Variants in GOLGB1 observed in about 807,000 individuals in gnomAD.
The protein encoded by GOLGB1 is golgin B1.
In GOLGB1, 174 loss-of-function variants were observed where a neutral mutation model predicts 336.9. The ratio of observed to expected loss-of-function variants is 0.52; its 90% CI spans 0.46 to 0.59. The LOEUF (loss-of-function observed/expected upper bound fraction) is 0.59. Among genes scored for constraint, GOLGB1 ranks in the 20% least tolerant of loss-of-function variants. GOLGB1 has a pLI of 0.00. For missense variants in GOLGB1, 3,331 were observed against 3,645.3 expected, an observed-to-expected ratio of 0.91 and a Z score of 2.22; for synonymous variants, 1,208 against 1,289.2, an observed-to-expected ratio of 0.94 and a Z score of 1.35.
intron 6 of GOLGB1, among the ~76,000 whole-genome samples, chr3:121,721,144 C>A (rs958316618): frequency 3.0e-4 from 45 of 151,464 alleles, no homozygotes; most frequent in Admixed American, 2.2e-3. Flanking sequence ...ACAATAAAAG[C>A]TAATAGGTAA....
At chr3:121,729,431 A>G in intron 3 of GOLGB1, 91 bp from the exon 4 acceptor site, 1 of 1,042,242 alleles carries the variant, frequency 9.6e-7, no homozygotes, top group Non-Finnish European at 1.4e-6. Context: ...TATTACTTTC[A>G]GAGACAGGGT....
intron 5 of GOLGB1, among the ~76,000 whole-genome samples, chr3:121,726,587 AAAAAAACAG>A (rs1284949718): frequency 1.3e-5 from 2 of 151,710 alleles, no homozygotes; most frequent in Non-Finnish European, 2.9e-5. Context: ...TATAGAAGAT[AAAAAAACAG>A]AAAAAACACA....
intron 1 of GOLGB1, among the ~76,000 whole-genome samples, chr3:121,733,548 C>A (rs1370330668): frequency 6.6e-6 from 1 of 152,038 alleles, no homozygotes; most frequent in Non-Finnish European, 1.5e-5. Context: ...ATCAATTCTC[C>A]CCATTTTGAC....
chr3:121,715,045 A>AG, intron 9 of GOLGB1, 69 bp from the exon 10 acceptor site: 1 of 838,292 alleles, frequency 1.2e-6, no homozygotes, highest in Non-Finnish European at 2.0e-6. Flanking sequence ...ATTATCTTCT[A>AG]AAGATACACT....
intron 17 of GOLGB1, 82 bp downstream of exon 17, chr3:121,676,811 A>T (rs1027049146): frequency 2.5e-6 from 3 of 1,201,490 alleles, no homozygotes. Context: ...CTGGGACTCT[A>T]TGCTGAATTG....
At chr3:121,680,708 G>A (rs1462096593) in intron 15 of GOLGB1, among the ~76,000 whole-genome samples, 1 of 152,124 alleles carries the variant, frequency 6.6e-6, no homozygotes, top group African/African-American at 2.4e-5. Context: ...GAGATGAAAA[G>A]ATAAACTGCA....
rs1477833955 is a variant in GOLGB1, at chr3:121,729,965, A to T, written c.149T>A (p.Val50Asp). 1 of 1,610,634 alleles carries T rather than the reference A, an allele frequency of 6.2e-7. No individual in the cohort carries two copies. Among genetic ancestry groups the T allele is most frequent in the Non-Finnish European group, 8.5e-7 (1 of 1,176,892 alleles). ...MEFNNTTQED[V>D]QERLAYAEQL... is the part of the protein sequence containing the mutation. Reference sequence around the variant, plus strand: ...CTCTGCATAAGCCAGGCGCTCCTGAACATCTTCTTGTGTAGTATTATTAAA... The same window carrying T: ...CTCTGCATAAGCCAGGCGCTCCTGATCATCTTCTTGTGTAGTATTATTAAA... The change falls in exon 3 of 22, where the codon GTT (valine) becomes GAT (aspartate). Residue 50 changes from valine to aspartate, a missense_variant. Val to Asp is a radical substitution (Grantham distance 152). Transcript: ENST00000614479.
intron 14 of GOLGB1, among the ~76,000 whole-genome samples, chr3:121,687,603 T>C (rs930573365): frequency 1.3e-5 from 2 of 152,188 alleles, no homozygotes; most frequent in African/African-American, 2.4e-5. Flanking sequence ...AACAGAATAA[T>C]ATGACTCTGA....
Position 121,702,510 on chromosome 3 carries a change from A to T in GOLGB1, c.1490T>A (p.Ile497Lys). ...NEKGALLLSS[I>K]ELEELKAENE... is the part of the protein sequence containing the mutation. ...CTCAGCTTTCAGCTCCTCCAGCTCT[A>T]TAGAACTAAGGAGCAAGGCTCCCTT... is the stretch of plus-strand genomic sequence containing the variant. The change falls in exon 11 of 22, where the codon ATA becomes AAA. Residue 497 changes from isoleucine (I) to lysine (K), a missense_variant. Coordinates refer to ENST00000614479, the MANE Select transcript of GOLGB1 (RefSeq NM_001366282.2). The T allele has an allele frequency of 6.6e-7, 1 of 1,525,484 alleles. No homozygotes were observed. The highest frequency in any genetic ancestry group is 2.5e-5 in the East Asian group (1 of 39,674). The allele number at this position is 1,525,484 out of a possible 1,614,324, so 94.5% of individuals were successfully genotyped here.
Position 121,692,416 on chromosome 3 carries a change from T to C in GOLGB1, c.6948A>G (p.Glu2316=). The C allele has an allele frequency of 1.2e-6, 2 of 1,613,842 alleles. No homozygotes were observed. The highest frequency in any genetic ancestry group is 1.3e-5 in the African/African-American group (1 of 75,030). The stretch of plus-strand genomic sequence containing the variant: ...GGTCTTTGAGACTCTTAAGTTCTGA[T>C]TCCAACTTAGCTAATTCATTCTGAG... ...HSSQNELAKL[E]SELKSLKDQL... Residue 2316 remains glutamate (E), a synonymous_variant, in exon 14 of 22, where the codon GAA becomes GAG. Transcript: ENST00000614479.
Position 121,692,301 on chromosome 3 carries a change from G to C in GOLGB1, c.7063C>G (p.Gln2355Glu), listed in dbSNP as rs1462624611. The C allele has an allele frequency of 8.7e-6, 14 of 1,611,546 alleles. No homozygotes were observed. The highest frequency in any genetic ancestry group is 1.1e-5 in the Non-Finnish European group (13 of 1,179,340). ...TGTTCATAACTGAACTTAGAATTTT[G>C]AATATCAGCCTCTTGCTGCCTTATG... is the stretch of plus-strand genomic sequence containing the variant. Reference protein sequence around the residue: ...GIIRQQEADIQNSKFSYEQLE... With the variant: ...GIIRQQEADIENSKFSYEQLE... The change falls in exon 14 of 22, where the codon CAA (glutamine) becomes GAA (glutamate). Residue 2355 changes from glutamine (Q) to glutamate (E), a missense_variant. Gln to Glu is a conservative substitution (Grantham distance 29). Coordinates refer to ENST00000614479, the MANE Select transcript of GOLGB1 (RefSeq NM_001366282.2).
chr3:121,668,294 T>C (rs542920121), intron 18 of GOLGB1, 136 bp from the exon 19 acceptor site: 29 of 547,406 alleles, frequency 5.3e-5, no homozygotes, highest in Non-Finnish European at 8.7e-5. Context: ...GAGAAGCTTC[T>C]GCTCTAGCAG....
intron 7 of GOLGB1, among the ~76,000 whole-genome samples, 170 bp from the exon 8 acceptor site, chr3:121,718,671 G>A (rs1944960023): frequency 6.6e-6 from 1 of 152,156 alleles, no homozygotes; most frequent in Non-Finnish European, 1.5e-5. Flanking sequence ...CAGCAACGAA[G>A]AGTCTCCAAA....
intron 1 of GOLGB1, among the ~76,000 whole-genome samples, chr3:121,737,546 G>A (rs1013854630): frequency 6.6e-6 from 1 of 151,822 alleles, no homozygotes; most frequent in Non-Finnish European, 1.5e-5. Flanking sequence ...AGCTACTCAG[G>A]AGGCTGAGGC....
rs139885920 is a variant in GOLGB1, at chr3:121,720,972, A to C, written c.649-1204T>G. Among the ~76,000 whole-genome samples, 818 of 152,284 alleles carry C rather than the reference A, an allele frequency of 5.4e-3. 6 individuals are homozygous for C. Among genetic ancestry groups the C allele is most frequent in the Middle Eastern group, 0.014 (4 of 294 alleles). ...TTTGGCACTTATTCGGAAAGCCTTA[A>C]ATTACGATGAATCTCTTAACACATG... On this transcript the variant is annotated intron_variant, in intron 6 of 21. Coordinates refer to ENST00000614479, the MANE Select transcript of GOLGB1 (RefSeq NM_001366282.2).
At chr3:121,673,090 G>A (rs747946143) in intron 17 of GOLGB1, among the ~76,000 whole-genome samples, 2 of 145,964 alleles carry the variant, frequency 1.4e-5, no homozygotes, top group Non-Finnish European at 3.0e-5. Flanking sequence ...TTTTTTTTGA[G>A]ACGGAGTCTC....
intron 17 of GOLGB1, among the ~76,000 whole-genome samples, chr3:121,670,156 T>C (rs1939280328): frequency 6.6e-6 from 1 of 152,252 alleles, no homozygotes; most frequent in African/African-American, 2.4e-5. Context: ...TTTGGTACTC[T>C]GGAACTATAA....
At chr3:121,703,790 GA>G (rs1052401323) in intron 10 of GOLGB1, among the ~76,000 whole-genome samples, 3 of 151,014 alleles carry the variant, frequency 2.0e-5, no homozygotes, top group East Asian at 1.9e-4. Context: ...CATTCTCAAG[GA>G]AAAAAAATAT....
intron 15 of GOLGB1, among the ~76,000 whole-genome samples, chr3:121,679,655 T>A (rs185450372): frequency 6.6e-6 from 1 of 152,338 alleles, no homozygotes; most frequent in East Asian, 1.9e-4. Flanking sequence ...ACCTGGTAGA[T>A]AAGCTAGGTA....
Sources: allele counts gnomAD v4.1 joint callset (sites outside exome capture counted in the v4.1 genomes callset), GRCh38; gene constraint gnomAD v4.1.1; transcripts MANE v1.5; gene names NCBI Gene and HGNC (gene_info 2026-07-23, HGNC 2026-07-21).